The following EPHA3 variants were observed in gnomAD, a reference collection of about 807,000 sequenced individuals.
EPHA3 encodes the protein ephrin type-A receptor 3.
A neutral mutation model predicts 107.1 loss-of-function variants in EPHA3; 42 were observed. That is an observed-to-expected ratio of 0.39 (90% CI 0.31 to 0.51). EPHA3 has a LOEUF of 0.51. EPHA3 is among the 20% of genes least tolerant of loss of function. The pLI, the probability that EPHA3 is intolerant of heterozygous loss-of-function variation, is 0.78. For missense variants in EPHA3, 1,183 were observed against 1,211.2 expected (o/e 0.98, Z 0.35); for synonymous variants, 461 against 424.8 (o/e 1.09, Z -1.05).
chr3:89,112,070 G>A (rs1182376768), intron 1 of EPHA3, among the ~76,000 whole-genome samples: 1 of 151,988 alleles, frequency 6.6e-6, no homozygotes, highest in Non-Finnish European at 1.5e-5. Context: ...AGAAGTGACT[G>A]GACTTATAAA....
intron 2 of EPHA3, among the ~76,000 whole-genome samples, chr3:89,176,650 G>A (rs1225496475): frequency 1.3e-5 from 2 of 151,714 alleles, no homozygotes; most frequent in African/African-American, 4.8e-5. Context: ...ACCATATTTT[G>A]TAAAGCATCT....
intron 3 of EPHA3, 132 bp from the exon 4 acceptor site, chr3:89,340,784 T>A: frequency 1.1e-6 from 1 of 906,832 alleles, no homozygotes; most frequent in Non-Finnish European, 1.5e-6. Context: ...GTCATTTGCT[T>A]CTGTAAATTC....
chr3:89,363,951 T>C (rs1708143452), intron 5 of EPHA3, among the ~76,000 whole-genome samples: 1 of 150,638 alleles, frequency 6.6e-6, no homozygotes, highest in Non-Finnish European at 1.5e-5. Flanking sequence ...AGTTTGAAAA[T>C]CTCACTTGGA....
chr3:89,221,375 A>G (rs1477871434), intron 3 of EPHA3, among the ~76,000 whole-genome samples: 1 of 152,136 alleles, frequency 6.6e-6, no homozygotes, highest in Non-Finnish European at 1.5e-5. Flanking sequence ...TCTTGTTTGC[A>G]TTCCCTATAG....
At chr3:89,402,230 T>G (rs1559682847) in intron 7 of EPHA3, among the ~76,000 whole-genome samples, 2 of 152,200 alleles carry the variant, frequency 1.3e-5, no homozygotes, top group Non-Finnish European at 2.9e-5. Context: ...GTCTGAGGTT[T>G]AGGAAATATC....
At chr3:89,110,604 A>T (rs747286796) in intron 1 of EPHA3, among the ~76,000 whole-genome samples, 2 of 151,994 alleles carry the variant, frequency 1.3e-5, no homozygotes, top group African/African-American at 4.8e-5. Context: ...ACAGAACTTT[A>T]TAAAAACTTT....
intron 3 of EPHA3, among the ~76,000 whole-genome samples, chr3:89,277,665 A>G (rs1222986129): frequency 6.6e-6 from 1 of 152,152 alleles, no homozygotes; most frequent in Admixed American, 6.6e-5. Context: ...TTTAATCAGA[A>G]AAATGATCCC....
intron 15 of EPHA3, among the ~76,000 whole-genome samples, chr3:89,467,419 A>G (rs1710306084): frequency 6.6e-6 from 1 of 152,190 alleles, no homozygotes; most frequent in Non-Finnish European, 1.5e-5. Context: ...CATAATAGGC[A>G]TATACTTATT....
intron 3 of EPHA3, among the ~76,000 whole-genome samples, chr3:89,253,799 T>C (rs953734212): frequency 1.4e-5 from 2 of 145,934 alleles, no homozygotes; most frequent in African/African-American, 2.6e-5. Context: ...GGTTAGTTTA[T>C]ATGAAATAGA....
At chr3:89,147,381 G>A (rs938940934) in intron 2 of EPHA3, among the ~76,000 whole-genome samples, 1 of 151,720 alleles carries the variant, frequency 6.6e-6, no homozygotes, top group Non-Finnish European at 1.5e-5. Context: ...TAAATGTAAG[G>A]TTTCTAAGAA....
rs1184230536 is a variant in EPHA3 at position 89,399,414 on chromosome 3, C to A, written c.1528C>A (p.Arg510=). ...KPDTIYVFQI[R]ARTAAGYGTN... ...TGACACTATATACGTATTCCAAATC[C>A]GAGCCCGAACAGCCGCTGGATATGG... Residue 510 remains arginine (R), a synonymous_variant, in exon 7 of 17, where the codon CGA becomes AGA. Coordinates refer to ENST00000336596, the MANE Select transcript of EPHA3 (RefSeq NM_005233.6). The A allele has an allele frequency of 6.2e-7, 1 of 1,614,012 alleles. No individual in the cohort carries two copies. The highest frequency in any genetic ancestry group is 1.3e-5 in the African/African-American group (1 of 74,990).
intron 2 of EPHA3, among the ~76,000 whole-genome samples, chr3:89,130,246 A>C (rs928044377): frequency 6.6e-6 from 1 of 152,210 alleles, no homozygotes; most frequent in African/African-American, 2.4e-5. Flanking sequence ...ACAGTGGCTA[A>C]ATTGAGAAAC....
chr3:89,117,463 A>G (rs1293443850), intron 1 of EPHA3, among the ~76,000 whole-genome samples: 1 of 152,074 alleles, frequency 6.6e-6, no homozygotes, highest in Admixed American at 6.5e-5. Context: ...ATATTCTTTC[A>G]TTGCATCTGA....
intron 1 of EPHA3, among the ~76,000 whole-genome samples, chr3:89,113,421 G>T (rs1464836944): frequency 8.4e-6 from 1 of 119,468 alleles, no homozygotes; most frequent in South Asian, 2.9e-4. Flanking sequence ...CTGGCAGGAG[G>T]TTTTCTCCAG....
intron 3 of EPHA3, among the ~76,000 whole-genome samples, chr3:89,303,444 G>C (rs1458381240): frequency 1.1e-5 from 1 of 94,520 alleles, no homozygotes; most frequent in African/African-American, 4.9e-5. Context: ...CTATAAAAAG[G>C]CAAAAAAAAA....
intron 5 of EPHA3, among the ~76,000 whole-genome samples, chr3:89,363,170 C>T (rs1708126584): frequency 6.6e-6 from 1 of 150,832 alleles, no homozygotes; most frequent in Admixed American, 6.7e-5. Context: ...AACCAATAGA[C>T]TGTGTGTATC....
chr3:89,119,008 A>T (rs1031233426), intron 1 of EPHA3, among the ~76,000 whole-genome samples: 2 of 151,968 alleles, frequency 1.3e-5, no homozygotes, highest in African/African-American at 4.8e-5. Flanking sequence ...AAAAACAAGG[A>T]CTAGGAGATT....
intron 10 of EPHA3, among the ~76,000 whole-genome samples, chr3:89,417,217 T>C (rs1465293229): frequency 1.3e-5 from 2 of 151,414 alleles, no homozygotes; most frequent in African/African-American, 4.8e-5. Flanking sequence ...TAGGAAAAGA[T>C]AGGTACAGAG....
intron 5 of EPHA3, among the ~76,000 whole-genome samples, chr3:89,356,522 C>T (rs1707961676): frequency 6.6e-6 from 1 of 151,268 alleles, no homozygotes; most frequent in African/African-American, 2.4e-5. Flanking sequence ...TAATGATTGC[C>T]ATTCTAGTAA....
Sources: gnomAD v4.1 joint callset for allele counts (sites outside exome capture counted in the v4.1 genomes callset) on GRCh38, gnomAD v4.1.1 for gene constraint, MANE v1.5 for transcripts, NCBI Gene and HGNC (gene_info 2026-07-23, HGNC 2026-07-21) for gene names.